The following COP1 variants were observed in gnomAD, a reference collection of about 807,000 sequenced individuals.
COP1 encodes E3 ubiquitin-protein ligase COP1.
Under a neutral mutation model 101.3 loss-of-function variants are expected in COP1, and 24 were observed. That is an observed-to-expected ratio of 0.24 (90% CI 0.17 to 0.33). The LOEUF (loss-of-function observed/expected upper bound fraction) is 0.33. COP1 is among the 10% of genes least tolerant of loss of function. The probability of loss-of-function intolerance (pLI) is 1.00; values close to 1 mark genes in which losing one functional copy is unlikely to be tolerated. For synonymous variants in COP1, 347 were observed against 341.9 expected, an observed-to-expected ratio of 1.01 and a Z score of -0.17; for missense variants, 663 against 906.2, an observed-to-expected ratio of 0.73 and a Z score of 3.45.
At chr1:176,038,065 A>G (rs1268850131) in intron 14 of COP1, among the ~76,000 whole-genome samples, 2 of 152,254 alleles carry the variant, frequency 1.3e-5, no homozygotes, top group African/African-American at 4.8e-5. Context: ...AAAGTAATCT[A>G]TACCTACAGT....
At chr1:175,980,331 G>T (rs1571367422) in intron 18 of COP1, among the ~76,000 whole-genome samples, 1 of 121,660 alleles carries the variant, frequency 8.2e-6, no homozygotes, top group South Asian at 2.5e-4. Flanking sequence ...TAAAGGCCAA[G>T]AATCAGAAGA....
chr1:176,059,104 C>T (rs150909457), intron 11 of COP1, among the ~76,000 whole-genome samples: 13 of 152,234 alleles, frequency 8.5e-5, no homozygotes, highest in Admixed American at 3.3e-4. Flanking sequence ...CAAAAGCACA[C>T]TTTAATGTTT....
At chr1:176,203,262 G>C (rs954215839) in intron 1 of COP1, among the ~76,000 whole-genome samples, 4 of 152,048 alleles carry the variant, frequency 2.6e-5, no homozygotes, top group African/African-American at 9.7e-5. Flanking sequence ...GCGTGAACCC[G>C]GGAGGCGGAG....
At chr1:175,991,861 T>C (rs550609608) in intron 15 of COP1, among the ~76,000 whole-genome samples, 2 of 152,314 alleles carry the variant, frequency 1.3e-5, no homozygotes, top group Admixed American at 6.5e-5. Flanking sequence ...ATGATATGCA[T>C]AGAGATGTCA....
At chr1:176,203,637 T>C (rs546345036) in intron 1 of COP1, among the ~76,000 whole-genome samples, 1 of 152,324 alleles carries the variant, frequency 6.6e-6, no homozygotes, top group East Asian at 1.9e-4. Flanking sequence ...GTATCCAATG[T>C]CAAGCTAAAT....
chr1:176,067,371 C>T (rs992274431), intron 11 of COP1, among the ~76,000 whole-genome samples: 16 of 152,052 alleles, frequency 1.1e-4, no homozygotes, highest in Admixed American at 2.6e-4. Context: ...TCTGGCCCAC[C>T]GCGCCCCCAT....
chr1:176,059,714 C>G (rs1333715630), intron 11 of COP1, among the ~76,000 whole-genome samples: 1 of 152,122 alleles, frequency 6.6e-6, no homozygotes, highest in Non-Finnish European at 1.5e-5. Flanking sequence ...AACTCCTGAC[C>G]TCGTGATCCA....
intron 15 of COP1, among the ~76,000 whole-genome samples, chr1:176,016,464 C>T (rs1005642699): frequency 2.6e-5 from 4 of 152,086 alleles, no homozygotes; most frequent in Non-Finnish European, 5.9e-5. Flanking sequence ...TGCTACTGAT[C>T]TTAGTGAGAA....
intron 3 of COP1, among the ~76,000 whole-genome samples, chr1:176,172,958 C>G (rs1355334504): frequency 1.3e-5 from 2 of 152,110 alleles, no homozygotes; most frequent in Non-Finnish European, 2.9e-5. Flanking sequence ...CAGTTGACAA[C>G]AATATAATCC....
intron 1 of COP1, among the ~76,000 whole-genome samples, chr1:176,186,753 T>C (rs985072694): frequency 1.3e-5 from 2 of 152,296 alleles, no homozygotes; most frequent in Admixed American, 1.3e-4. Flanking sequence ...GAAGCTATCA[T>C]AATCCAGTGA....
At chr1:176,160,169 T>C (rs1249747624) in intron 5 of COP1, 1 of 268,534 alleles carries the variant, frequency 3.7e-6, no homozygotes, top group Non-Finnish European at 7.4e-6. Context: ...AGACTAATGC[T>C]GGCATATGAG....
intron 15 of COP1, among the ~76,000 whole-genome samples, chr1:176,014,033 C>T (rs1312463661): frequency 6.6e-6 from 1 of 152,090 alleles, no homozygotes; most frequent in African/African-American, 2.4e-5. Context: ...TTTCTCCATT[C>T]CTTCAAAATA....
intron 14 of COP1, among the ~76,000 whole-genome samples, chr1:176,035,159 T>C (rs543878895): frequency 6.6e-6 from 1 of 152,242 alleles, no homozygotes; most frequent in South Asian, 2.1e-4. Context: ...TGAAACAGAT[T>C]TTAAAGCAAC....
At chr1:175,993,588 G>A (rs1156866451) in intron 15 of COP1, among the ~76,000 whole-genome samples, 6 of 152,204 alleles carry the variant, frequency 3.9e-5, no homozygotes, top group Non-Finnish European at 7.3e-5. Context: ...CGAGAACTAC[G>A]TGAAGAATGC....
intron 6 of COP1, among the ~76,000 whole-genome samples, chr1:176,137,909 C>A (rs1438640963): frequency 6.6e-6 from 1 of 151,992 alleles, no homozygotes; most frequent in Non-Finnish European, 1.5e-5. Flanking sequence ...CAACTGTAGC[C>A]CTTACCCTGA....
At chr1:175,952,159 C>T (rs944626379) in intron 18 of COP1, among the ~76,000 whole-genome samples, 17 of 152,178 alleles carry the variant, frequency 1.1e-4, no homozygotes, top group African/African-American at 3.9e-4. Context: ...CAGTGGCTCA[C>T]GCCTGTAATC....
At chr1:176,071,039 G>C (rs552021442) in intron 11 of COP1, among the ~76,000 whole-genome samples, 3 of 152,232 alleles carry the variant, frequency 2.0e-5, no homozygotes, top group African/African-American at 2.4e-5. Flanking sequence ...GATATTGACT[G>C]ACAGAGTTTG....
chr1:175,951,996 G>T (rs1649988816), intron 18 of COP1, among the ~76,000 whole-genome samples: 1 of 152,206 alleles, frequency 6.6e-6, no homozygotes. Flanking sequence ...CAGTTACACT[G>T]CTGAAGACAA....
chr1:176,204,821 G>A (rs545280597), intron 1 of COP1, among the ~76,000 whole-genome samples: 1 of 152,126 alleles, frequency 6.6e-6, no homozygotes, highest in Non-Finnish European at 1.5e-5. Flanking sequence ...GCTACTACTC[G>A]GGAGGCTGAG....
Sources: allele counts gnomAD v4.1 joint callset (sites outside exome capture counted in the v4.1 genomes callset), GRCh38; gene constraint gnomAD v4.1.1; transcripts MANE v1.5; gene names NCBI Gene and HGNC (gene_info 2026-07-23, HGNC 2026-07-21).